Variants in C3orf52 observed in about 807,000 individuals in gnomAD.
C3orf52 encodes the protein chromosome 3 open reading frame 52.
Under a neutral mutation model 24.8 loss-of-function variants are expected in C3orf52, and 22 were observed. The ratio of observed to expected loss-of-function variants is 0.89; its 90% confidence interval spans 0.63 to 1.27. C3orf52 has a LOEUF of 1.27. Among genes scored for constraint, C3orf52 ranks in the 50% most tolerant of loss-of-function variants. The pLI is 0.00. For synonymous variants in C3orf52, 93 were observed against 100.2 expected (o/e 0.93, Z 0.43); for missense variants, 265 against 260.7 (o/e 1.02, Z -0.11).
At position 112,093,438 on chromosome 3, in the gene C3orf52, A is replaced by G; in HGVS notation, c.217A>G (p.Ile73Val). 1 of 1,613,744 alleles carries G rather than the reference A, an allele frequency of 6.2e-7. No individual in the cohort carries two copies. ...RCKLWMIITS[I>V]FLGVITVIII... ...CAAACTGTGGATGATCATCACCTCC[A>G]TTTTCCTAGGTGTCATTACAGTGAT... Residue 73 changes from isoleucine (I) to valine (V), a missense_variant, in exon 2 of 6, where the codon ATT (isoleucine) becomes GTT (valine). Transcript: ENST00000264848.
chr3:112,107,831 C>G (rs1395193408), intron 3 of C3orf52, among the ~76,000 whole-genome samples: 1 of 152,120 alleles, frequency 6.6e-6, no homozygotes, highest in African/African-American at 2.4e-5. Flanking sequence ...CTTTTGTTCT[C>G]TTTGAGATAT....
chr3:112,130,786 G>A (rs990968362), downstream of C3orf52: 1 of 470,004 alleles, frequency 2.1e-6, no homozygotes, highest in Admixed American at 3.3e-5. Flanking sequence ...AAATATCCAG[G>A]GATCCTCGTC....
intron 4 of C3orf52, chr3:112,123,902 A>AT (rs2074252175): frequency 3.2e-6 from 3 of 928,880 alleles, no homozygotes; most frequent in Non-Finnish European, 4.8e-6. Flanking sequence ...TCTCTTGGCC[A>AT]TTTTTTTCTA....
chr3:112,110,440 AT>A (rs1192198236), intron 4 of C3orf52, among the ~76,000 whole-genome samples: 1 of 152,332 alleles, frequency 6.6e-6, no homozygotes, highest in East Asian at 1.9e-4. Flanking sequence ...AACTAATGCC[AT>A]TCCCTTCCAT....
chr3:112,111,194 G>A (rs1468010446), intron 4 of C3orf52, among the ~76,000 whole-genome samples: 1 of 152,210 alleles, frequency 6.6e-6, no homozygotes, highest in Non-Finnish European at 1.5e-5. Context: ...GTGACACAGA[G>A]AGACTCAAAC....
At chr3:112,100,960 G>A (rs2073967241) in intron 2 of C3orf52, among the ~76,000 whole-genome samples, 1 of 152,120 alleles carries the variant, frequency 6.6e-6, no homozygotes, top group South Asian at 2.1e-4. Context: ...TCAAGTATAG[G>A]AGGAAAAAAC....
chr3:112,108,803 G>A (rs1463533349), intron 3 of C3orf52, among the ~76,000 whole-genome samples: 1 of 152,166 alleles, frequency 6.6e-6, no homozygotes, highest in Non-Finnish European at 1.5e-5. Flanking sequence ...GTAGTAATTT[G>A]TAAAAATATG....
downstream of C3orf52, chr3:112,130,179 T>G (rs2074418606): frequency 2.3e-6 from 1 of 437,292 alleles, no homozygotes; most frequent in Non-Finnish European, 4.1e-6. Context: ...AATAAGACCT[T>G]TTATTTTATA....
intron 1 of C3orf52, among the ~76,000 whole-genome samples, chr3:112,089,594 G>A (rs542319580): frequency 2.0e-5 from 3 of 150,848 alleles, no homozygotes; most frequent in African/African-American, 7.3e-5. Context: ...CCATTGCCAC[G>A]TGTTGTTCAG....
At chr3:112,109,912 A>C (rs2074061832) in intron 4 of C3orf52, 1 of 291,996 alleles carries the variant, frequency 3.4e-6, no homozygotes. Context: ...ATGCTCAAAT[A>C]AGCTAAGGGT....
chr3:112,088,008 G>A (rs1472445852), intron 1 of C3orf52, among the ~76,000 whole-genome samples: 2 of 152,210 alleles, frequency 1.3e-5, no homozygotes, highest in Non-Finnish European at 2.9e-5. Context: ...AATCCATGCA[G>A]GGTTATCAGT....
At chr3:112,108,932 C>T (rs1280355473) in intron 3 of C3orf52, among the ~76,000 whole-genome samples, 2 of 152,030 alleles carry the variant, frequency 1.3e-5, no homozygotes, top group Non-Finnish European at 2.9e-5. Context: ...AATTAAAGGG[C>T]TGAACCCAAT....
downstream of C3orf52, among the ~76,000 whole-genome samples, chr3:112,131,757 C>T (rs571831588): frequency 5.3e-5 from 8 of 152,114 alleles, no homozygotes; most frequent in Admixed American, 1.3e-4. Flanking sequence ...AAAATCAAAA[C>T]TTATGTGAGT....
Position 112,117,569 on chromosome 3 carries a change from C to T in C3orf52, c.*923C>T, listed in dbSNP as rs1197342067. On this transcript the variant is annotated 3_prime_UTR_variant, in exon 6 of 6. Transcript: ENST00000264848. ...TGTTTAATATCTGCTCTGGATATTA[C>T]GCATTGGCTTTTTGTTGCCTAGTGC... 1.3e-5 allele frequency: 2 copies of T among 152,242 alleles called. No individual in the cohort carries two copies. The highest frequency in any genetic ancestry group is 4.8e-5 in the African/African-American group (2 of 41,434). 9.4% of individuals were successfully genotyped at this position (152,242 alleles called of 1,614,324 possible). A position where few individuals can be genotyped will look rare whatever the true frequency, so the allele number is the denominator to read the frequency against.
chr3:112,116,197 T>TC (rs748126357), intron 5 of C3orf52, among the ~76,000 whole-genome samples: 1 of 152,104 alleles, frequency 6.6e-6, no homozygotes. Flanking sequence ...CCCGGCGGGC[T>TC]CCCCCTGTGT....
intron 4 of C3orf52, among the ~76,000 whole-genome samples, chr3:112,110,097 AGGC>A (rs2074064533): frequency 6.6e-6 from 1 of 152,222 alleles, no homozygotes; most frequent in East Asian, 1.9e-4. Context: ...TGCGAGGCCA[AGGC>A]GGGCAGATCA....
chr3:112,094,867 T>C (rs1302252470), intron 2 of C3orf52, among the ~76,000 whole-genome samples: 1 of 152,182 alleles, frequency 6.6e-6, no homozygotes, highest in African/African-American at 2.4e-5. Flanking sequence ...CCAGCCTTCA[T>C]GCGGCATGGG....
chr3:112,086,492 A>C lies in C3orf52; in HGVS notation c.85A>C (p.Asn29His). 6.4e-7 allele frequency: 1 copy of C among 1,551,432 alleles called. No individual in the cohort carries two copies. Among genetic ancestry groups the C allele is most frequent in the Non-Finnish European group, 8.7e-7 (1 of 1,146,832 alleles). ...GCAGCCAGAAGAGAACACGCCTCTCAATGGTGCCGACAAGGTCTTCCCTTC... is the reference window on the plus strand; with the variant it reads ...GCAGCCAGAAGAGAACACGCCTCTCCATGGTGCCGACAAGGTCTTCCCTTC... ...ERQPEENTPL[N>H]GADKVFPSLD... Residue 29 changes from asparagine to histidine, a missense_variant, in exon 1 of 6, where the codon AAT (asparagine) becomes CAT (histidine). Transcript: ENST00000264848.
chr3:112,116,591 A>G lies in C3orf52; in HGVS notation c.650-51A>G. The G allele has an allele frequency of 7.0e-6, 10 of 1,426,424 alleles. No homozygotes were observed. In the South Asian group the frequency reaches 1.4e-4, roughly 20 times the overall value. 88.4% of individuals were successfully genotyped at this position (1,426,424 alleles called of 1,614,324 possible). A position where few individuals can be genotyped will look rare whatever the true frequency, so the allele number is the denominator to read the frequency against. The stretch of plus-strand genomic sequence containing the variant: ...AATGAAATGAAAACGTAAGCATTTA[A>G]TAGTGGTTTTAAAAATCAGTAACTT... On this transcript the variant is annotated intron_variant, in intron 5 of 5. Coordinates refer to ENST00000264848, the MANE Select transcript of C3orf52 (RefSeq NM_024616.3).
Sources: gnomAD v4.1 joint callset for allele counts (sites outside exome capture counted in the v4.1 genomes callset) on GRCh38, gnomAD v4.1.1 for gene constraint, MANE v1.5 for transcripts, NCBI Gene and HGNC (gene_info 2026-07-23, HGNC 2026-07-21) for gene names.